The following CORO7 variants were observed in gnomAD, a reference collection of about 807,000 sequenced individuals.
CORO7 encodes coronin-7.
In CORO7, 107 loss-of-function variants were observed where a neutral mutation model predicts 126.6. The ratio of observed to expected loss-of-function variants is 0.85; its 90% confidence interval spans 0.72 to 0.99. CORO7 has a LOEUF of 0.99. Among genes scored for constraint, CORO7 ranks in the 50% least tolerant of loss-of-function variants. The probability of loss-of-function intolerance (pLI) is 0.00; values close to 1 mark genes in which losing one functional copy is unlikely to be tolerated. For synonymous variants in CORO7, 603 were observed against 536.8 expected (o/e 1.12, Z -1.70); for missense variants, 1,314 against 1,255.8 (o/e 1.05, Z -0.70).
At chr16:4,409,144 G>C (rs1596340209) in intron 3 of CORO7, among the ~76,000 whole-genome samples, 1 of 152,132 alleles carries the variant, frequency 6.6e-6, no homozygotes, top group East Asian at 1.9e-4. Flanking sequence ...ACCAGAGCTG[G>C]GAGCACAGCG....
Position 4,412,373 on chromosome 16 carries a change from T to G in CORO7, c.215A>C (p.His72Pro). Reference sequence around the variant, plus strand: ...CCACTCACCTGAATGGCAGCCCAGGTGGGCCACGCGTCGCTTGTCCTCTCC... The same window carrying G: ...CCACTCACCTGAATGGCAGCCCAGGGGGGCCACGCGTCGCTTGTCCTCTCC... ...GQGEDKRRVA[H>P]LGCHSDLVTD... The change falls in exon 3 of 28, where the codon CAC becomes CCC. Residue 72 changes from histidine to proline, a missense_variant. Transcript: ENST00000251166. 1 of 1,614,174 alleles carries G rather than the reference T, an allele frequency of 6.2e-7. No homozygotes were observed. Among genetic ancestry groups the G allele is most frequent in the Non-Finnish European group, 8.5e-7 (1 of 1,180,028 alleles).
In CORO7 at chr16:4,360,659, C is replaced by G. The variant is rs1360650733; in HGVS notation, c.1918-111G>C. On this transcript the variant is annotated intron_variant, in intron 19 of 27. Transcript: ENST00000251166. Reference sequence around the variant, plus strand: ...GGCGCCGCCCCTCCTCACTGCTGTTCCCGCCTCTCCTCACTGCTGGTCTTG... The same window carrying G: ...GGCGCCGCCCCTCCTCACTGCTGTTGCCGCCTCTCCTCACTGCTGGTCTTG... The G allele has an allele frequency of 1.1e-5, 15 of 1,406,712 alleles. 1 individual carries two copies. Among genetic ancestry groups the G allele is most frequent in the Middle Eastern group, 2.5e-4 (1 of 4,080 alleles). 87.1% of individuals were successfully genotyped at this position (1,406,712 alleles called of 1,614,324 possible). A position where few individuals can be genotyped will look rare whatever the true frequency, so the allele number is the denominator to read the frequency against.
Position 4,362,384 on chromosome 16 carries a change from G to A in CORO7, c.1403-224C>T, listed in dbSNP as rs993015203. 3.9e-5 allele frequency among the ~76,000 whole-genome samples: 6 copies of A among 152,098 alleles called. No individual in the cohort carries two copies. Among genetic ancestry groups the A allele is most frequent in the Non-Finnish European group, 7.4e-5 (5 of 68,014 alleles). On this transcript the variant is annotated intron_variant, in intron 15 of 27. Transcript: ENST00000251166. The surrounding 1 kb of genome is among the most constrained non-coding windows in gnomAD (Gnocchi z 5.3). Reference sequence around the variant, plus strand: ...TCGGGGAATCTTGGTGGAGCCCAGGGCTTTGGCTGCTCAGAAGCTGGTGGC... The same window carrying A: ...TCGGGGAATCTTGGTGGAGCCCAGGACTTTGGCTGCTCAGAAGCTGGTGGC...
intron 9 of CORO7, among the ~76,000 whole-genome samples, chr16:4,376,377 CCTT>C (rs2054731763): frequency 6.6e-6 from 1 of 152,208 alleles, no homozygotes; most frequent in African/African-American, 2.4e-5. Context: ...CCACACAGAG[CCTT>C]GGCGGGCCAG....
chr16:4,384,201 C>A (rs1158262386), intron 9 of CORO7, among the ~76,000 whole-genome samples: 1 of 152,222 alleles, frequency 6.6e-6, no homozygotes, highest in East Asian at 1.9e-4. Context: ...CCCAGGTTGG[C>A]TTGCAGACGG....
At chr16:4,393,541 C>T (rs17136995) in intron 7 of CORO7, among the ~76,000 whole-genome samples, 17,080 of 152,182 alleles carry the variant, frequency 0.11, 1,685 homozygotes, top group African/African-American at 0.27. Flanking sequence ...GACTAAAAAG[C>T]TGCAATCTTC....
At chr16:4,378,415 G>C (rs998113707) in intron 9 of CORO7, among the ~76,000 whole-genome samples, 1 of 152,032 alleles carries the variant, frequency 6.6e-6, no homozygotes, top group Non-Finnish European at 1.5e-5. Context: ...TCCTGACCCT[G>C]GTCTGGCCCT....
At chr16:4,385,200 G>A (rs2055153617) in intron 9 of CORO7, among the ~76,000 whole-genome samples, 1 of 152,140 alleles carries the variant, frequency 6.6e-6, no homozygotes, top group South Asian at 2.1e-4. Flanking sequence ...GCAGGCCCTG[G>A]GCCATGTGGG....
rs2054033709 is a variant in CORO7 at position 4,357,968 on chromosome 16, C to T, written c.2593G>A (p.Val865Met). 2.5e-6 allele frequency: 4 copies of T among 1,600,704 alleles called. No homozygotes were observed. In the East Asian group the frequency reaches 6.7e-5, roughly 27 times the overall value. The change falls in exon 25 of 28, where the codon GTG becomes ATG. Residue 865 changes from valine (V) to methionine (M), a missense_variant and splice_region_variant. By Grantham distance (21) the Val-to-Met change is conservative. Transcript: ENST00000251166. ...LSLQPPDMSP[V>M]SQAPREAPAR... ...CCCCACACCCAGTCCCTCGGTGCAC[C>T]TGGGCTCATGTCAGGAGGCTGCAGG...
At chr16:4,365,878 C>T (rs1169465509) in intron 9 of CORO7, among the ~76,000 whole-genome samples, 3 of 152,178 alleles carry the variant, frequency 2.0e-5, no homozygotes, top group African/African-American at 7.2e-5. Context: ...CTCCCACCTT[C>T]GACAGCCTAG....
rs369464752 is a variant in CORO7, at chr16:4,357,505, G to A, written c.2594-246C>T. The stretch of plus-strand genomic sequence containing the variant: ...CTCTGGAGTAGTTGGGATTGCAGGC[G>A]CCCACCACGCCAGGCTAATTTTGTA... On this transcript the variant is annotated intron_variant, in intron 25 of 27. Transcript: ENST00000251166. 11 of 436,180 alleles carry A rather than the reference G, an allele frequency of 2.5e-5. No homozygotes were observed. The East Asian group carries it at 3.1e-4, about 12-fold the overall frequency. The allele number at this position is 436,180 out of a possible 1,614,324, so 27.0% of individuals were successfully genotyped here. A position where few individuals can be genotyped will look rare whatever the true frequency, so the allele number is the denominator to read the frequency against.
At chr16:4,412,643 G>C (rs1224660050) in intron 2 of CORO7, 2 of 563,582 alleles carry the variant, frequency 3.5e-6, no homozygotes, top group Non-Finnish European at 3.1e-6. Context: ...GGATACAGAA[G>C]ACATTAGGCG....
At chr16:4,378,684 C>A (rs886761036) in intron 9 of CORO7, among the ~76,000 whole-genome samples, 1 of 152,048 alleles carries the variant, frequency 6.6e-6, no homozygotes, top group Non-Finnish European at 1.5e-5. Context: ...TAACTTCTTC[C>A]AGTGCTCAGT....
rs765714986 is a variant in CORO7 at position 4,358,367 on chromosome 16, C to T, written c.2457G>A (p.Arg819=). 1.2e-6 allele frequency: 2 copies of T among 1,612,114 alleles called. No homozygotes were observed. The highest frequency in any genetic ancestry group is 2.7e-5 in the African/African-American group (2 of 74,900). ...GGGAGTCCCAGGTCCCCACCCTCAC[C>T]CGGACTCGGGGCAGCCGGAAGGCCA... ...EPVAFRLPRV[R]KEFFQDDVFP... The change falls in exon 24 of 28, where the codon CGG becomes CGA. Residue 819 remains arginine, a splice_region_variant and synonymous_variant. Transcript: ENST00000251166.
At chr16:4,373,826 C>T (rs1025200564) in intron 9 of CORO7, among the ~76,000 whole-genome samples, 1 of 152,176 alleles carries the variant, frequency 6.6e-6, no homozygotes, top group African/African-American at 2.4e-5. Context: ...GCCAGACAGC[C>T]AGTCCTGCCA....
chr16:4,399,059 G>A (rs1021325231), intron 6 of CORO7, among the ~76,000 whole-genome samples: 13 of 151,868 alleles, frequency 8.6e-5, no homozygotes, highest in African/African-American at 2.9e-4. Flanking sequence ...TGGTGCAACT[G>A]CTATGGAAAA....
intron 21 of CORO7, 53 bp from the exon 22 acceptor site, chr16:4,359,674 G>GGGCAGGGAGAAGGCGCCCAC (rs1338203531): frequency 1.3e-6 from 2 of 1,540,264 alleles, no homozygotes; most frequent in Non-Finnish European, 1.7e-6. Flanking sequence ...AAGGGGCCTG[G>GGGCAGGGAGAAGGCGCCCAC]GGCAGGGAGA....
At chr16:4,368,192 C>T (rs1232040490) in intron 9 of CORO7, among the ~76,000 whole-genome samples, 1 of 151,766 alleles carries the variant, frequency 6.6e-6, no homozygotes, top group African/African-American at 2.4e-5. Flanking sequence ...ACTAAAAATA[C>T]AAAAATTGGC....
Position 4,354,792 on chromosome 16 carries a change from G to T in CORO7, c.*366C>A. On this transcript the variant is annotated 3_prime_UTR_variant, in exon 28 of 28. Coordinates refer to ENST00000251166, the MANE Select transcript of CORO7 (RefSeq NM_024535.5). ...AGCAGGCAAGATGGGGCAGCGTGGG[G>T]TGACCAAAGATCCTGGATGAGGCCA... The T allele has an allele frequency of 3.3e-6, 1 of 307,098 alleles. No individual in the cohort carries two copies. The allele number at this position is 307,098 out of a possible 1,614,324, so 19.0% of individuals were successfully genotyped here.
Sources: allele counts gnomAD v4.1 joint callset (sites outside exome capture counted in the v4.1 genomes callset), GRCh38; gene constraint gnomAD v4.1.1; non-coding constraint Gnocchi (gnomAD v3.1); transcripts MANE v1.5; gene names NCBI Gene and HGNC (gene_info 2026-07-23, HGNC 2026-07-21).